MICAL3: variants seen among roughly 807,000 people sequenced by gnomAD.
MICAL3 encodes the protein microtubule associated monooxygenase, calponin and LIM domain containing 3.
MICAL3 carries 62 observed loss-of-function variants against 207.4 expected under a neutral mutation model. The observed-to-expected ratio is 0.30, with a 90% CI of 0.24 to 0.37. The LOEUF is 0.37. MICAL3 is among the 10% of genes least tolerant of loss of function. The pLI, the probability that MICAL3 is intolerant of heterozygous loss-of-function variation, is 1.00. For missense variants in MICAL3, 2,368 were observed against 2,635.6 expected, an observed-to-expected ratio of 0.90 and a Z score of 2.22; for synonymous variants, 1,077 against 1,069.3, an observed-to-expected ratio of 1.01 and a Z score of -0.14.
chr22:17,905,625 T>C (rs1275082547), intron 2 of MICAL3, among the ~76,000 whole-genome samples: 1 of 152,222 alleles, frequency 6.6e-6, no homozygotes, highest in Non-Finnish European at 1.5e-5. Flanking sequence ...GGGCTCTAGG[T>C]ATCCCCTATT....
At chr22:17,896,189 A>C in intron 9 of MICAL3, 57 bp downstream of exon 9, 3 of 965,590 alleles carry the variant, frequency 3.1e-6, no homozygotes, top group Non-Finnish European at 4.9e-6. Context: ...CTGAAGAGTA[A>C]ACCACTCCTT....
chr22:17,812,654 G>A lies in MICAL3; in HGVS notation c.5446-1841C>T, dbSNP rs186952578. ...AGAACACAGAAATGGAGCAAAATAA[G>A]TTAGAAGTTGAAAACAAACACACAA... is the stretch of plus-strand genomic sequence containing the variant. On this transcript the variant is annotated intron_variant, in intron 27 of 31. Transcript: ENST00000441493. 9.6e-6 allele frequency: 5 copies of A among 521,072 alleles called. No homozygotes were observed. The East Asian group carries it at 4.5e-4, about 47-fold the overall frequency. 32.3% of individuals were successfully genotyped at this position (521,072 alleles called of 1,614,324 possible).
intron 1 of MICAL3, among the ~76,000 whole-genome samples, chr22:17,965,412 A>C (rs997823228): frequency 6.6e-6 from 1 of 152,186 alleles, no homozygotes; most frequent in Admixed American, 6.5e-5. Context: ...TTCTTACCAC[A>C]CATCAGAGAG....
At chr22:18,012,512 T>A (rs537701410) in intron 1 of MICAL3, among the ~76,000 whole-genome samples, 2 of 152,182 alleles carry the variant, frequency 1.3e-5, no homozygotes, top group Admixed American at 1.3e-4. Context: ...CATCATCTAA[T>A]TGGGCTTCTT....
At chr22:17,842,051 T>G in intron 19 of MICAL3, 34 bp from the exon 20 acceptor site, 1 of 1,573,828 alleles carries the variant, frequency 6.4e-7, no homozygotes, top group Non-Finnish European at 8.6e-7. Context: ...TGCACTGAGG[T>G]CCAACCACAG....
intron 1 of MICAL3, among the ~76,000 whole-genome samples, chr22:17,984,324 C>G (rs1052621850): frequency 2.0e-5 from 3 of 152,252 alleles, no homozygotes; most frequent in Non-Finnish European, 2.9e-5. Flanking sequence ...GCCAGCCAGG[C>G]CAACACTGCG....
chr22:17,907,324 A>C (rs1332589720), intron 1 of MICAL3, among the ~76,000 whole-genome samples: 1 of 152,228 alleles, frequency 6.6e-6, no homozygotes, highest in Non-Finnish European at 1.5e-5. Flanking sequence ...GGAAAGTGAC[A>C]AAGACAGGCC....
chr22:17,898,601 T>C (rs1465004621), intron 7 of MICAL3, among the ~76,000 whole-genome samples: 1 of 152,252 alleles, frequency 6.6e-6, no homozygotes, highest in Non-Finnish European at 1.5e-5. Flanking sequence ...TGTGAGTCTC[T>C]TGTGGGAACT....
chr22:17,810,513 G>C (rs1305132727), intron 28 of MICAL3, among the ~76,000 whole-genome samples, 190 bp downstream of exon 28: 1 of 152,192 alleles, frequency 6.6e-6, no homozygotes, highest in Admixed American at 6.5e-5. Context: ...CTTCCCTTTT[G>C]ACTGACAGCT....
At chr22:17,887,143 T>A (rs754171113) in intron 15 of MICAL3, 27 bp downstream of exon 15, 1 of 1,596,428 alleles carries the variant, frequency 6.3e-7, no homozygotes, top group Non-Finnish European at 8.6e-7. Flanking sequence ...ACATGACCAT[T>A]CTAGCAATTC....
In MICAL3 at chr22:17,808,765, G is replaced by T. The variant is rs914065588; in HGVS notation, c.5650+79C>A. The T allele has an allele frequency of 2.5e-6, 3 of 1,199,546 alleles. No individual in the cohort carries two copies. The African/African-American group carries it at 4.5e-5, about 18-fold the overall frequency. The allele number at this position is 1,199,546 out of a possible 1,614,324, so 74.3% of individuals were successfully genotyped here. A position where few individuals can be genotyped will look rare whatever the true frequency, so the allele number is the denominator to read the frequency against. On this transcript the variant is annotated intron_variant, in intron 29 of 31. Coordinates refer to ENST00000441493, the MANE Select transcript of MICAL3 (RefSeq NM_015241.3). Reference sequence around the variant, plus strand: ...GGAAAAGGAGCTGAATTCCAGGTGAGGTGAAGCAAAACTAGCCTACCACGG... The same window carrying T: ...GGAAAAGGAGCTGAATTCCAGGTGATGTGAAGCAAAACTAGCCTACCACGG...
At chr22:17,967,486 A>ACCCC (rs60259078) in intron 1 of MICAL3, among the ~76,000 whole-genome samples, 5 of 145,592 alleles carry the variant, frequency 3.4e-5, no homozygotes, top group Admixed American at 2.1e-4. Context: ...ACACACACAC[A>ACCCC]CACACACCCA....
chr22:17,832,586 C>T (rs1412172329), intron 20 of MICAL3, among the ~76,000 whole-genome samples: 1 of 152,176 alleles, frequency 6.6e-6, no homozygotes, highest in Non-Finnish European at 1.5e-5. Flanking sequence ...CTCGAGGGCA[C>T]AAGCAGGGCA....
rs148886742 is a variant in MICAL3 at position 17,860,226 on chromosome 22, GA to G, written c.2605+4672del. ...TTGTTAAAAAAAAAATTAAAAGCAC[GA>G]CAACTTGGTTTCACAGTCAACGGCA... On this transcript the variant is annotated intron_variant, in intron 19 of 31. Coordinates refer to ENST00000441493, the MANE Select transcript of MICAL3 (RefSeq NM_015241.3). The G allele has an allele frequency of 2.7e-3, 2,700 of 983,558 alleles. 54 individuals are homozygous for G. The African/African-American group carries it at 0.043, about 16-fold the overall frequency. The allele number at this position is 983,558 out of a possible 1,614,324, so 60.9% of individuals were successfully genotyped here. A position where few individuals can be genotyped will look rare whatever the true frequency, so the allele number is the denominator to read the frequency against.
rs1602183160 is a variant in MICAL3 at position 17,902,059 on chromosome 22, T to C, written c.590-80A>G. On this transcript the variant is annotated intron_variant, in intron 4 of 31. Transcript: ENST00000441493. This position sits in a 1 kb window ranked among gnomAD's most constrained non-coding sequence, Gnocchi z 4.5. ...AGGACCATCTCTAGATACCCAGTCA[T>C]GTGAACTGCACAAAACCCTGGGCCA... The C allele has an allele frequency of 9.0e-6, 9 of 997,500 alleles. No individual in the cohort carries two copies. The highest frequency in any genetic ancestry group is 6.2e-5 in the Admixed American group (3 of 48,368). 61.8% of individuals were successfully genotyped at this position (997,500 alleles called of 1,614,324 possible).
At chr22:18,001,591 A>T (rs1185663502) in intron 1 of MICAL3, 6 of 152,280 alleles carry the variant, frequency 3.9e-5, no homozygotes, top group African/African-American at 1.4e-4. Context: ...GGGGCGAGAT[A>T]TCTCAGTACA....
chr22:17,864,504 G>A (rs1476449346), intron 19 of MICAL3: 5 of 1,431,098 alleles, frequency 3.5e-6, no homozygotes, highest in East Asian at 2.5e-5. Context: ...AGTGGCCTTG[G>A]CCTCACCAGG....
chr22:17,890,436 C>T (rs959533124), intron 12 of MICAL3, among the ~76,000 whole-genome samples: 1 of 152,126 alleles, frequency 6.6e-6, no homozygotes, highest in Non-Finnish European at 1.5e-5. Context: ...CCACTGATCA[C>T]AATCTTTCCC....
chr22:17,915,547 C>T (rs940703903), intron 1 of MICAL3, among the ~76,000 whole-genome samples: 9 of 152,196 alleles, frequency 5.9e-5, no homozygotes, highest in East Asian at 3.8e-4. Context: ...TAAGGCTTTC[C>T]GACGCTGGCC....
Sources: gnomAD v4.1 joint callset for allele counts (sites outside exome capture counted in the v4.1 genomes callset) on GRCh38, gnomAD v4.1.1 for gene constraint, Gnocchi (gnomAD v3.1) non-coding constraint, MANE v1.5 for transcripts, NCBI Gene and HGNC (gene_info 2026-07-23, HGNC 2026-07-21) for gene names.